The following MITD1 variants were observed in gnomAD, a reference collection of about 807,000 sequenced individuals.
MITD1 encodes microtubule interacting and trafficking domain containing 1.
In MITD1, 24 loss-of-function variants were observed where a neutral mutation model predicts 34.9. That is an observed-to-expected ratio of 0.69 (90% CI 0.50 to 0.97). The LOEUF is 0.97. Among genes scored for constraint, MITD1 ranks in the 50% least tolerant of loss-of-function variants. The pLI, the probability that MITD1 is intolerant of heterozygous loss-of-function variation, is 0.00. For missense variants in MITD1, 266 were observed against 294.6 expected (o/e 0.90, Z 0.71); for synonymous variants, 102 against 101.4 (o/e 1.01, Z -0.04).
chr2:99,180,196 T>C (rs2093909242), intron 1 of MITD1, among the ~76,000 whole-genome samples: 2 of 152,318 alleles, frequency 1.3e-5, no homozygotes, highest in African/African-American at 2.4e-5. Flanking sequence ...AAGAAAAACT[T>C]TTCTTCTTCT....
At chr2:99,161,801 A>G, downstream of MITD1, 3 of 553,666 alleles carry the variant, frequency 5.4e-6, no homozygotes, top group Admixed American at 6.7e-5. Context: ...ACTTGGTTAT[A>G]GCATTGCTAA....
downstream of MITD1, among the ~76,000 whole-genome samples, chr2:99,165,048 A>ACT (rs1220896332): frequency 1.4e-5 from 2 of 145,160 alleles, no homozygotes; most frequent in Non-Finnish European, 3.1e-5. Flanking sequence ...ACACACACAC[A>ACT]CACACACACA....
chr2:99,165,372 T>G (rs1466527837), downstream of MITD1, among the ~76,000 whole-genome samples: 2 of 152,076 alleles, frequency 1.3e-5, no homozygotes, highest in East Asian at 1.9e-4. Flanking sequence ...TGGCCTTTAC[T>G]CCTAGATTTC....
rs762611034 is a variant in MITD1, at chr2:99,170,572, A to G, written c.558T>C (p.Val186=). ...GGTCATGTATTGAAGAAGAGTATTG[A>G]ACTTCCAACAGCACTCCGTGACTCC... ...SLRSHGVLLE[V]QYSSSIHDRE... is the part of the protein sequence containing the mutation. Residue 186 remains valine, a synonymous_variant, in exon 5 of 7, where the codon GTT becomes GTC. Transcript: ENST00000289359. 6.4e-5 allele frequency: 103 copies of G among 1,598,566 alleles called. No individual in the cohort carries two copies. The highest frequency in any genetic ancestry group is 8.6e-5 in the Non-Finnish European group (100 of 1,167,196).
downstream of MITD1, among the ~76,000 whole-genome samples, chr2:99,164,979 A>T (rs1303490368): frequency 6.7e-6 from 1 of 149,014 alleles, no homozygotes; most frequent in East Asian, 2.0e-4. Flanking sequence ...GAACTTTCTG[A>T]ATGTTTGCAT....
At position 99,180,927 on chromosome 2, in the gene MITD1, G is replaced by A; in HGVS notation, c.55C>T (p.Leu19=). The part of the protein sequence containing the change: ...DPQSTAAATV[L]KRAVELDSES... ...GAATCTAGTTCTACTGCCCGCTTTA[G>A]CACAGTGGCTGCAGCTGTGCTCTGC... is the stretch of plus-strand genomic sequence containing the variant. The change falls in exon 1 of 7, where the codon CTA becomes TTA. Residue 19 remains leucine (L), a synonymous_variant. Coordinates refer to ENST00000289359, the MANE Select transcript of MITD1 (RefSeq NM_138798.3). 2.5e-6 allele frequency: 4 copies of A among 1,614,174 alleles called. No homozygotes were observed. The highest frequency in any genetic ancestry group is 3.4e-6 in the Non-Finnish European group (4 of 1,180,040).
chr2:99,166,841 C>T (rs748368528), downstream of MITD1, among the ~76,000 whole-genome samples: 58 of 132,656 alleles, frequency 4.4e-4, no homozygotes, highest in Non-Finnish European at 8.5e-4. Flanking sequence ...ATACTCAGTT[C>T]ATTAAGTGGG....
chr2:99,176,939 A>G (rs1024518278), intron 1 of MITD1, among the ~76,000 whole-genome samples: 1 of 152,124 alleles, frequency 6.6e-6, no homozygotes, highest in Non-Finnish European at 1.5e-5. Context: ...TCCCACCACT[A>G]CTTCTAGACC....
chr2:99,166,276 G>T (rs1471200265), downstream of MITD1, among the ~76,000 whole-genome samples: 3 of 151,964 alleles, frequency 2.0e-5, no homozygotes, highest in Non-Finnish European at 4.4e-5. Flanking sequence ...GGAAGAGAGT[G>T]TGTTTCATGA....
chr2:99,162,524 G>C, intron 7 of MITD1: 1 of 1,614,136 alleles, frequency 6.2e-7, no homozygotes, highest in Non-Finnish European at 8.5e-7. Context: ...GGACGTTCTT[G>C]TCTTCTTTGC....
chr2:99,163,123 TG>T, intron 7 of MITD1: 1 of 1,356,188 alleles, frequency 7.4e-7, no homozygotes, highest in Non-Finnish European at 9.9e-7. Context: ...GAAAATAAAA[TG>T]TCTCATACTT....
intron 2 of MITD1, 198 bp downstream of exon 2, chr2:99,173,717 C>A (rs2105221224): frequency 1.7e-6 from 1 of 599,486 alleles, no homozygotes; most frequent in South Asian, 1.9e-5. Context: ...CAACTAAAAA[C>A]AAAAGCCAAA....
At chr2:99,171,465 T>C (rs1233103591) in intron 3 of MITD1, 36 bp from the exon 4 acceptor site, 2 of 1,594,990 alleles carry the variant, frequency 1.3e-6, no homozygotes, top group African/African-American at 2.7e-5. Context: ...ACTAATTTAG[T>C]ACATTGAATA....
downstream of MITD1, among the ~76,000 whole-genome samples, chr2:99,166,858 AATATATATATATATATAT>A (rs10584187): frequency 4.5e-4 from 52 of 115,402 alleles, no homozygotes; most frequent in African/African-American, 1.1e-3. Flanking sequence ...TGGGGTTTTA[AATATATATATATATATAT>A]ATATATATAT....
chr2:99,171,835 G>A (rs1180233677), intron 2 of MITD1, 189 bp from the exon 3 acceptor site: 1 of 568,966 alleles, frequency 1.8e-6, no homozygotes, highest in East Asian at 3.1e-5. Context: ...GGTATTTAAG[G>A]CAAACCACTC....
At chr2:99,162,689 CATTCACCTA>C (rs1435170521) in intron 7 of MITD1, 1 of 1,614,138 alleles carries the variant, frequency 6.2e-7, no homozygotes, top group Admixed American at 1.7e-5. Context: ...TTGATAATCA[CATTCACCTA>C]ATAAACCCAA....
intron 7 of MITD1, among the ~76,000 whole-genome samples, chr2:99,164,121 CTT>C (rs2093815311): frequency 6.6e-6 from 1 of 152,110 alleles, no homozygotes; most frequent in South Asian, 2.1e-4. Context: ...TAATTTTCAA[CTT>C]ATGTATCTTT....
chr2:99,162,827 A>G, intron 7 of MITD1: 1 of 1,613,980 alleles, frequency 6.2e-7, no homozygotes, highest in Non-Finnish European at 8.5e-7. Context: ...TGTTATATGA[A>G]CAGTCACACT....
At chr2:99,167,010 TC>T (rs1448833932), downstream of MITD1, among the ~76,000 whole-genome samples, 1 of 151,362 alleles carries the variant, frequency 6.6e-6, no homozygotes, top group Admixed American at 6.6e-5. Context: ...TGTTATTTTT[TC>T]CAACCATTTG....
Sources: gnomAD v4.1 joint callset for allele counts (sites outside exome capture counted in the v4.1 genomes callset) on GRCh38, gnomAD v4.1.1 for gene constraint, MANE v1.5 for transcripts, NCBI Gene and HGNC (gene_info 2026-07-23, HGNC 2026-07-21) for gene names.